The following OPCML variants were observed in gnomAD, a reference collection of about 807,000 sequenced individuals.
The protein encoded by OPCML is opioid-binding protein/cell adhesion molecule.
A neutral mutation model predicts 37.8 loss-of-function variants in OPCML; 13 were observed. The observed-to-expected ratio is 0.34, with a 90% CI of 0.22 to 0.55. OPCML has a LOEUF of 0.55. OPCML is among the 20% of genes least tolerant of loss of function. OPCML has a pLI of 0.91. For synonymous variants in OPCML, 176 were observed against 168.8 expected (o/e 1.04, Z -0.33); for missense variants, 341 against 435.6 (o/e 0.78, Z 1.93).
At chr11:132,479,507 C>A (rs1427739025) in intron 4 of OPCML, among the ~76,000 whole-genome samples, 2 of 152,236 alleles carry the variant, frequency 1.3e-5, no homozygotes, top group Non-Finnish European at 2.9e-5. Flanking sequence ...AAAGCTCGAA[C>A]TGGGTGGAGC....
At chr11:132,531,559 A>G (rs2096325118) in intron 3 of OPCML, among the ~76,000 whole-genome samples, 1 of 152,190 alleles carries the variant, frequency 6.6e-6, no homozygotes, top group South Asian at 2.1e-4. Flanking sequence ...AAAGTAGAAC[A>G]TTTGAGCTCT....
At chr11:133,261,834 G>A (rs532256318) in intron 1 of OPCML, among the ~76,000 whole-genome samples, 18 of 152,256 alleles carry the variant, frequency 1.2e-4, no homozygotes, top group African/African-American at 2.4e-4. Flanking sequence ...CTGGCTGAGC[G>A]GTGGCTCTAG....
chr11:132,592,867 G>T (rs1405055907), intron 3 of OPCML, among the ~76,000 whole-genome samples: 1 of 152,160 alleles, frequency 6.6e-6, no homozygotes, highest in East Asian at 1.9e-4. Context: ...CAAAATAATT[G>T]CTCATTTATT....
chr11:132,553,580 T>C (rs931030283), intron 3 of OPCML, among the ~76,000 whole-genome samples: 3 of 152,166 alleles, frequency 2.0e-5, no homozygotes, highest in African/African-American at 7.2e-5. Context: ...TAAAATAGGA[T>C]AAGTAGGCAA....
At chr11:133,314,127 T>G (rs1182454918) in intron 1 of OPCML, among the ~76,000 whole-genome samples, 2 of 144,514 alleles carry the variant, frequency 1.4e-5, no homozygotes, top group Admixed American at 1.5e-4. Context: ...CCCAGCTACT[T>G]GGGAGGCTGA....
chr11:132,596,893 G>A (rs1343530396), intron 3 of OPCML, among the ~76,000 whole-genome samples: 1 of 152,136 alleles, frequency 6.6e-6, no homozygotes, highest in Admixed American at 6.5e-5. Flanking sequence ...CTTCTTTTCA[G>A]GTAGCTGAGC....
At chr11:133,523,548 A>C (rs1380571993) in intron 1 of OPCML, among the ~76,000 whole-genome samples, 5 of 152,184 alleles carry the variant, frequency 3.3e-5, no homozygotes, top group Non-Finnish European at 5.9e-5. Context: ...TTCTCTCCCA[A>C]TCTATTCTGC....
chr11:132,799,194 C>G (rs1938502119), intron 2 of OPCML, among the ~76,000 whole-genome samples: 1 of 151,998 alleles, frequency 6.6e-6, no homozygotes. Context: ...TCTTCCAATA[C>G]AAAGCTTTTT....
intron 3 of OPCML, among the ~76,000 whole-genome samples, chr11:132,587,084 A>G (rs561578534): frequency 1.1e-4 from 17 of 152,330 alleles, no homozygotes; most frequent in African/African-American, 3.8e-4. Context: ...TCCAGGCTGC[A>G]GTGCAAGCAT....
intron 1 of OPCML, among the ~76,000 whole-genome samples, chr11:133,027,605 A>G (rs1336615237): frequency 1.4e-5 from 2 of 142,498 alleles, no homozygotes; most frequent in East Asian, 4.6e-4. Flanking sequence ...TGTGGTGTGC[A>G]TGGTGTGTGT....
At chr11:133,246,525 A>C (rs1019868357) in intron 1 of OPCML, among the ~76,000 whole-genome samples, 22 of 152,212 alleles carry the variant, frequency 1.4e-4, no homozygotes, top group Admixed American at 2.0e-4. Flanking sequence ...TTGATGAAAC[A>C]GTCTGTGCAG....
intron 1 of OPCML, among the ~76,000 whole-genome samples, chr11:133,035,618 T>TCTTTCACGCCCTATTCAG (rs2136933637): frequency 1.3e-5 from 2 of 152,314 alleles, no homozygotes; most frequent in South Asian, 4.1e-4. Flanking sequence ...CGCCCTATTC[T>TCTTTCACGCCCTATTCAG]TGGGGACTGA....
At chr11:133,321,000 G>T (rs971122715) in intron 1 of OPCML, among the ~76,000 whole-genome samples, 1 of 152,064 alleles carries the variant, frequency 6.6e-6, no homozygotes, top group African/African-American at 2.4e-5. Flanking sequence ...GAGACAGCTG[G>T]AGTCCCCCAG....
At chr11:133,226,896 C>T (rs531260018) in intron 1 of OPCML, among the ~76,000 whole-genome samples, 1 of 152,350 alleles carries the variant, frequency 6.6e-6, no homozygotes, top group East Asian at 1.9e-4. Flanking sequence ...CCTTGGCACC[C>T]ACTCATAGAC....
intron 1 of OPCML, among the ~76,000 whole-genome samples, chr11:133,321,948 G>C (rs1174146855): frequency 5.3e-5 from 8 of 152,088 alleles, no homozygotes; most frequent in Non-Finnish European, 1.2e-4. Context: ...CGAAACCATA[G>C]TATCGAACAG....
intron 1 of OPCML, among the ~76,000 whole-genome samples, chr11:133,491,356 C>T (rs541486747): frequency 6.6e-6 from 1 of 152,138 alleles, no homozygotes; most frequent in Non-Finnish European, 1.5e-5. Flanking sequence ...TTGGAAGGCA[C>T]CACGACACAC....
At chr11:133,169,680 A>G (rs894979786) in intron 1 of OPCML, among the ~76,000 whole-genome samples, 3 of 152,202 alleles carry the variant, frequency 2.0e-5, no homozygotes, top group East Asian at 1.9e-4. Flanking sequence ...ACATATTTTA[A>G]TAGGGGTTGA....
chr11:132,551,806 C>T (rs1031769894), intron 3 of OPCML, among the ~76,000 whole-genome samples: 31 of 152,096 alleles, frequency 2.0e-4, no homozygotes, highest in African/African-American at 4.1e-4. Context: ...CTGAGGAGAC[C>T]GATTTGAGTA....
chr11:133,027,045 G>A (rs1947567642), intron 1 of OPCML, among the ~76,000 whole-genome samples: 1 of 152,204 alleles, frequency 6.6e-6, no homozygotes, highest in African/African-American at 2.4e-5. Context: ...AAATGCTTGG[G>A]AGTTTCCAAT....
Sources: allele counts gnomAD v4.1 joint callset (sites outside exome capture counted in the v4.1 genomes callset), GRCh38; gene constraint gnomAD v4.1.1; transcripts MANE v1.5; gene names NCBI Gene and HGNC (gene_info 2026-07-23, HGNC 2026-07-21).